CENPP: variants seen among roughly 807,000 people sequenced by gnomAD.
CENPP encodes the protein centromere protein P.
CENPP carries 24 observed loss-of-function variants against 35.6 expected under a neutral mutation model. The observed-to-expected ratio is 0.67, with a 90% CI of 0.49 to 0.95. The LOEUF (loss-of-function observed/expected upper bound fraction) is 0.95, where lower values mean the gene tolerates loss of function less well. Ranked by LOEUF, CENPP falls within the 40% of genes least tolerant of loss-of-function variation. CENPP has a pLI of 0.00. For missense variants in CENPP, 332 were observed against 345.3 expected (o/e 0.96, Z 0.31); for synonymous variants, 120 against 125.5 (o/e 0.96, Z 0.29).
intron 5 of CENPP, chr9:92,515,177 C>A (rs753862583): frequency 6.2e-7 from 1 of 1,602,544 alleles, no homozygotes; most frequent in African/African-American, 1.3e-5. Context: ...TCATTTAATG[C>A]TATACCACTG....
chr9:92,403,835 C>G (rs1230809809), intron 5 of CENPP: 4 of 276,562 alleles, frequency 1.4e-5, no homozygotes, highest in Non-Finnish European at 2.2e-5. Flanking sequence ...CATATTTCCA[C>G]TTAGCTACTT....
chr9:92,500,992 T>C (rs754777850), intron 5 of CENPP: 35 of 1,614,090 alleles, frequency 2.2e-5, no homozygotes, highest in Non-Finnish European at 3.0e-5. Context: ...AGCAAGGACT[T>C]GGGTAGATAG....
At chr9:92,364,642 A>G (rs1841841796) in intron 4 of CENPP, among the ~76,000 whole-genome samples, 1 of 152,218 alleles carries the variant, frequency 6.6e-6, no homozygotes, top group South Asian at 2.1e-4. Context: ...ATTTTACTGT[A>G]TGTAAATTCT....
intron 5 of CENPP, among the ~76,000 whole-genome samples, chr9:92,424,776 G>C (rs1327395763): frequency 1.3e-5 from 2 of 152,176 alleles, no homozygotes; most frequent in African/African-American, 4.8e-5. Context: ...CCGGGTTCAA[G>C]CAATTCTCCT....
chr9:92,424,279 T>C (rs777122325), intron 5 of CENPP: 1 of 152,238 alleles, frequency 6.6e-6, no homozygotes, highest in Non-Finnish European at 1.5e-5. Flanking sequence ...CTAAATTCTT[T>C]AACTGAGTCT....
intron 5 of CENPP, among the ~76,000 whole-genome samples, chr9:92,549,929 C>T (rs1329343982): frequency 2.0e-5 from 3 of 152,156 alleles, no homozygotes; most frequent in African/African-American, 7.2e-5. Context: ...GGTTCTGGGT[C>T]TGGTTCTTCC....
At chr9:92,601,476 C>A (rs992190432) in intron 5 of CENPP, among the ~76,000 whole-genome samples, 1 of 152,184 alleles carries the variant, frequency 6.6e-6, no homozygotes, top group African/African-American at 2.4e-5. Flanking sequence ...GCTCGAATAT[C>A]CAGTCCTTTC....
intron 5 of CENPP, among the ~76,000 whole-genome samples, chr9:92,559,054 C>T (rs62572544): frequency 0.038 from 5,765 of 152,230 alleles, 136 homozygotes; most frequent in Middle Eastern, 0.054. Flanking sequence ...GGCTGTCCAC[C>T]TCCCAGCTGC....
At chr9:92,514,382 C>T (rs781178399) in intron 5 of CENPP, among the ~76,000 whole-genome samples, 37 of 151,046 alleles carry the variant, frequency 2.4e-4, no homozygotes, top group Non-Finnish European at 5.0e-4. Flanking sequence ...TCAAACGATT[C>T]TCCTGCCTCG....
intron 5 of CENPP, among the ~76,000 whole-genome samples, chr9:92,539,543 A>G (rs972754961): frequency 3.3e-5 from 5 of 152,102 alleles, no homozygotes; most frequent in African/African-American, 1.2e-4. Context: ...GCAGAAATTA[A>G]GTATAGCCTA....
chr9:92,397,744 G>A (rs941927360), intron 5 of CENPP, among the ~76,000 whole-genome samples: 1 of 152,178 alleles, frequency 6.6e-6, no homozygotes, highest in African/African-American at 2.4e-5. Context: ...AGAGAGCTAG[G>A]AAATAAATGT....
chr9:92,474,188 A>G (rs1845626338), intron 5 of CENPP, among the ~76,000 whole-genome samples: 1 of 152,222 alleles, frequency 6.6e-6, no homozygotes, highest in Non-Finnish European at 1.5e-5. Context: ...CAAATAAAGC[A>G]TTATCTTTAA....
intron 5 of CENPP, among the ~76,000 whole-genome samples, chr9:92,407,288 G>A (rs1447643893): frequency 6.6e-6 from 1 of 152,130 alleles, no homozygotes; most frequent in East Asian, 1.9e-4. Context: ...TCACGTGGTT[G>A]GTCTTCCTGG....
At chr9:92,512,019 C>T (rs1563977072) in intron 5 of CENPP, 1 of 1,610,536 alleles carries the variant, frequency 6.2e-7, no homozygotes, top group Admixed American at 1.7e-5. Flanking sequence ...ACCTTGAATG[C>T]TTTTGGACCT....
At chr9:92,443,292 C>G (rs918567504) in intron 5 of CENPP, among the ~76,000 whole-genome samples, 1 of 151,980 alleles carries the variant, frequency 6.6e-6, no homozygotes. Flanking sequence ...TCAATTTTTA[C>G]CATATATTAC....
chr9:92,492,678 T>G (rs1267139973), intron 5 of CENPP, among the ~76,000 whole-genome samples: 1 of 152,072 alleles, frequency 6.6e-6, no homozygotes. Context: ...GTTCGGACCT[T>G]TTATTAGGCA....
At chr9:92,583,003 G>A (rs1850465376) in intron 5 of CENPP, among the ~76,000 whole-genome samples, 1 of 152,154 alleles carries the variant, frequency 6.6e-6, no homozygotes. Context: ...CTGCAGAACA[G>A]CTTTCACTGT....
intron 5 of CENPP, among the ~76,000 whole-genome samples, chr9:92,537,302 A>G (rs1849205538): frequency 6.6e-6 from 1 of 152,222 alleles, no homozygotes. Flanking sequence ...CTGAATCAAG[A>G]TAAGGGACTA....
intron 5 of CENPP, among the ~76,000 whole-genome samples, chr9:92,546,434 C>G (rs576356413): frequency 2.4e-4 from 37 of 152,324 alleles, no homozygotes; most frequent in Non-Finnish European, 3.4e-4. Context: ...CTGTAACACT[C>G]ATGGGGGAAG....
Sources: allele counts gnomAD v4.1 joint callset (sites outside exome capture counted in the v4.1 genomes callset), GRCh38; gene constraint gnomAD v4.1.1; transcripts MANE v1.5; gene names NCBI Gene and HGNC (gene_info 2026-07-23, HGNC 2026-07-21).